The following NRDE2 variants were observed in gnomAD, a reference collection of about 807,000 sequenced individuals.
NRDE2 encodes NRDE-2, necessary for RNA interference, domain containing.
NRDE2 carries 76 observed loss-of-function variants against 124.2 expected under a neutral mutation model. That is an observed-to-expected ratio of 0.61 (90% CI 0.51 to 0.74). NRDE2 has a LOEUF of 0.74. NRDE2 is among the 30% of genes least tolerant of loss of function. NRDE2 has a pLI of 0.00. For missense variants in NRDE2, 1,314 were observed against 1,417.3 expected, an observed-to-expected ratio of 0.93 and a Z score of 1.17; for synonymous variants, 489 against 528.1, an observed-to-expected ratio of 0.93 and a Z score of 1.01.
chr14:90,306,809 CAAA>C (rs34221775), intron 4 of NRDE2, among the ~76,000 whole-genome samples: 1 of 135,362 alleles, frequency 7.4e-6, no homozygotes. Context: ...GACTTGGTCT[CAAA>C]AAAAAAAAAA....
Position 90,299,441 on chromosome 14 carries a change from T to C in NRDE2, c.1546-1061A>G, listed in dbSNP as rs144561555. 3.3e-3 allele frequency among the ~76,000 whole-genome samples: 506 copies of C among 152,238 alleles called. 3 individuals carry two copies. The highest frequency in any genetic ancestry group is 0.012 in the African/African-American group (494 of 41,538). ...GTAAGCAGCTCACTGGCAATAAATC[T>C]TTCCCTATGGAACAGAATGTGAACA... On this transcript the variant is annotated intron_variant, in intron 7 of 13. Transcript: ENST00000354366.
At chr14:90,323,353 T>C (rs1023318274) in intron 1 of NRDE2, among the ~76,000 whole-genome samples, 114 of 152,332 alleles carry the variant, frequency 7.5e-4, no homozygotes, top group African/African-American at 2.6e-3. Flanking sequence ...ATGAAAAGAT[T>C]TGAACTTTAA....
intron 9 of NRDE2, among the ~76,000 whole-genome samples, chr14:90,291,654 TGA>T (rs1892274556): frequency 6.6e-6 from 1 of 152,198 alleles, no homozygotes; most frequent in South Asian, 2.1e-4. Flanking sequence ...TCCAGTGAGT[TGA>T]GGCTTCCCTA....
At position 90,272,190 on chromosome 14, in the gene NRDE2, G is replaced by A; in HGVS notation, c.*6146C>T. ...ATTACAGGTGTGAGCCACCGCGCCT[G>A]GCCTCAGAATAGGTTTTTTGGAATT... On this transcript the variant is annotated 3_prime_UTR_variant, in exon 14 of 14. Coordinates refer to ENST00000354366, the MANE Select transcript of NRDE2 (RefSeq NM_017970.4). The surrounding 1 kb of genome is among the most constrained non-coding windows in gnomAD (Gnocchi z 4.5). 6.6e-7 allele frequency: 1 copy of A among 1,518,106 alleles called. No individual in the cohort carries two copies. The highest frequency in any genetic ancestry group is 8.9e-7 in the Non-Finnish European group (1 of 1,119,990). 94.0% of individuals were successfully genotyped at this position (1,518,106 alleles called of 1,614,324 possible). A position where few individuals can be genotyped will look rare whatever the true frequency, so the allele number is the denominator to read the frequency against.
intron 12 of NRDE2, chr14:90,280,588 G>C (rs1390727530): frequency 6.6e-6 from 1 of 152,338 alleles, no homozygotes; most frequent in African/African-American, 2.4e-5. Context: ...TCACTGCACG[G>C]AGGTATGGAA....
At chr14:90,282,656 G>A (rs1419828409) in intron 12 of NRDE2, among the ~76,000 whole-genome samples, 1 of 151,952 alleles carries the variant, frequency 6.6e-6, no homozygotes, top group African/African-American at 2.4e-5. Context: ...CCAAGAATAA[G>A]CTTTAATTCC....
intron 8 of NRDE2, among the ~76,000 whole-genome samples, chr14:90,297,683 C>T (rs1010638536): frequency 4.6e-5 from 7 of 152,124 alleles, no homozygotes; most frequent in African/African-American, 1.7e-4. Context: ...CCTGTAATCC[C>T]AGCACTTTGG....
chr14:90,306,096 G>A (rs2139694118), intron 4 of NRDE2, among the ~76,000 whole-genome samples: 1 of 152,278 alleles, frequency 6.6e-6, no homozygotes, highest in South Asian at 2.1e-4. Context: ...AGATGTAGGG[G>A]GCAGTTATAC....
rs1304314912 is a variant in NRDE2 at position 90,276,668 on chromosome 14, G to A, written c.*1668C>T. Reference sequence around the variant, plus strand: ...GTTCGAGCAGCCGCTTTATCCTCTCGGGGGCTCACTGCCCACTGCTAAGAG... The same window carrying A: ...GTTCGAGCAGCCGCTTTATCCTCTCAGGGGCTCACTGCCCACTGCTAAGAG... On this transcript the variant is annotated 3_prime_UTR_variant, in exon 14 of 14. Transcript: ENST00000354366. 2.6e-5 allele frequency: 4 copies of A among 152,056 alleles called. No individual in the cohort carries two copies. The highest frequency in any genetic ancestry group is 2.1e-4 in the South Asian group (1 of 4,816). The allele number at this position is 152,056 out of a possible 1,614,324, so 9.4% of individuals were successfully genotyped here. A position where few individuals can be genotyped will look rare whatever the true frequency, so the allele number is the denominator to read the frequency against.
chr14:90,290,660 T>C, intron 9 of NRDE2, 53 bp from the exon 10 acceptor site: 1 of 1,537,352 alleles, frequency 6.5e-7, no homozygotes, highest in Non-Finnish European at 8.8e-7. Flanking sequence ...AACCCGCACA[T>C]TTGTCACAAT....
chr14:90,315,102 G>A lies in NRDE2; in HGVS notation c.407+1476C>T, dbSNP rs541979908. ...TGAGGCAGGAGACTTGCTTGAGCCC[G>A]GGAGGCAGAGGTTGCAGTGAGCCGA... On this transcript the variant is annotated intron_variant, in intron 3 of 13. Transcript: ENST00000354366. 8.1e-5 allele frequency among the ~76,000 whole-genome samples: 12 copies of A among 147,794 alleles called. No homozygotes were observed. The Admixed American group carries it at 8.3e-4, about 10-fold the overall frequency.
chr14:90,319,707 C>T (rs1445253992), intron 1 of NRDE2, among the ~76,000 whole-genome samples: 1 of 152,130 alleles, frequency 6.6e-6, no homozygotes, highest in East Asian at 1.9e-4. Flanking sequence ...TATGGATTTA[C>T]CACATTTTAC....
At chr14:90,289,217 A>G in intron 10 of NRDE2, 72 bp from the exon 11 acceptor site, 1 of 1,297,304 alleles carries the variant, frequency 7.7e-7, no homozygotes, top group Admixed American at 2.2e-5. Flanking sequence ...AACTGTAGAA[A>G]GCACTGACAG....
rs756718587 is a variant in NRDE2 at position 90,288,841 on chromosome 14, C to G, written c.2534G>C (p.Arg845Pro). ...SPEVRRAATA[R>P]AVHILTKLTE... ...CAGCTTGGTTAATATGTGAACAGCT[C>G]GAGCTGTGGCAGCCCTTCTCACTTC... The change falls in exon 11 of 14, where the codon CGA becomes CCA. Residue 845 changes from arginine to proline, a missense_variant. Coordinates refer to ENST00000354366, the MANE Select transcript of NRDE2 (RefSeq NM_017970.4). The G allele has an allele frequency of 6.2e-7, 1 of 1,614,108 alleles. No individual in the cohort carries two copies. Among genetic ancestry groups the G allele is most frequent in the Non-Finnish European group, 8.5e-7 (1 of 1,180,028 alleles).
At chr14:90,293,668 TA>T (rs772722634) in intron 8 of NRDE2, among the ~76,000 whole-genome samples, 2 of 152,254 alleles carry the variant, frequency 1.3e-5, no homozygotes, top group African/African-American at 4.8e-5. Flanking sequence ...TAGATTTTCT[TA>T]AGTCATCCGA....
intron 12 of NRDE2, among the ~76,000 whole-genome samples, chr14:90,282,389 T>C (rs563948133): frequency 6.0e-5 from 9 of 151,250 alleles, no homozygotes; most frequent in East Asian, 1.9e-4. Flanking sequence ...CGTGAGAGGA[T>C]TGCATGAGCC....
In NRDE2 at chr14:90,274,681, G is replaced by A. The variant is rs537170882; in HGVS notation, c.*3655C>T. On this transcript the variant is annotated 3_prime_UTR_variant, in exon 14 of 14. Coordinates refer to ENST00000354366, the MANE Select transcript of NRDE2 (RefSeq NM_017970.4). ...GATAAGGACATGTCCTAAGGACACC[G>A]AAGCCTATGTGAAGGGGCTTCCACT... The A allele has an allele frequency of 9.9e-5, 15 of 152,234 alleles. No homozygotes were observed. The highest frequency in any genetic ancestry group is 6.2e-4 in the South Asian group (3 of 4,818). The allele number at this position is 152,234 out of a possible 1,614,324, so 9.4% of individuals were successfully genotyped here.
At chr14:90,325,856 AGAG>A (rs1885409610) in intron 1 of NRDE2, among the ~76,000 whole-genome samples, 1 of 152,136 alleles carries the variant, frequency 6.6e-6, no homozygotes, top group African/African-American at 2.4e-5. Context: ...GTAGCCAGAA[AGAG>A]GAGAACAGCA....
chr14:90,300,619 G>T (rs554752134), intron 7 of NRDE2, among the ~76,000 whole-genome samples: 1 of 150,782 alleles, frequency 6.6e-6, no homozygotes, highest in Non-Finnish European at 1.5e-5. Flanking sequence ...ATGCTCGCTT[G>T]TCATCTAAAG....
Sources: allele counts gnomAD v4.1 joint callset (sites outside exome capture counted in the v4.1 genomes callset), GRCh38; gene constraint gnomAD v4.1.1; non-coding constraint Gnocchi (gnomAD v3.1); transcripts MANE v1.5; gene names NCBI Gene and HGNC (gene_info 2026-07-23, HGNC 2026-07-21).